The following FGF7 variants were observed in gnomAD, a reference collection of about 807,000 sequenced individuals.
The protein encoded by FGF7 is FGF-7.
In FGF7, 6 loss-of-function variants were observed where a neutral mutation model predicts 20.5. That is an observed-to-expected ratio of 0.29 (90% CI 0.16 to 0.58). The LOEUF is 0.58. Among genes scored for constraint, FGF7 ranks in the 20% least tolerant of loss-of-function variants. The probability of loss-of-function intolerance (pLI) is 0.90; values close to 1 mark genes in which losing one functional copy is unlikely to be tolerated. For missense variants in FGF7, 144 were observed against 228.8 expected (o/e 0.63, Z 2.39); for synonymous variants, 64 against 74.7 (o/e 0.86, Z 0.74).
At chr15:49,444,700 T>C (rs1597234701) in intron 2 of FGF7, among the ~76,000 whole-genome samples, 1 of 151,818 alleles carries the variant, frequency 6.6e-6, no homozygotes, top group East Asian at 1.9e-4. Context: ...CCTTTGTGCA[T>C]ATGTTCCGGG....
In FGF7 at chr15:49,485,922, G is replaced by T; in HGVS notation, c.*1418G>T. On this transcript the variant is annotated 3_prime_UTR_variant, in exon 4 of 4. Coordinates refer to ENST00000267843, the MANE Select transcript of FGF7 (RefSeq NM_002009.4). ...AAGTTGTTTTCCTGTTAGATGGCAA[G>T]AGCACAATGCCCAAAATAGAAGATG... The T allele has an allele frequency of 6.6e-6, 1 of 151,994 alleles. No individual in the cohort carries two copies. The highest frequency in any genetic ancestry group is 1.9e-4 in the East Asian group (1 of 5,200). The allele number at this position is 151,994 out of a possible 1,614,324, so 9.4% of individuals were successfully genotyped here.
intron 2 of FGF7, among the ~76,000 whole-genome samples, chr15:49,478,216 G>A (rs763993879): frequency 1.4e-4 from 22 of 152,192 alleles, no homozygotes; most frequent in African/African-American, 7.2e-5. Flanking sequence ...AATGGCCTCC[G>A]GCTGCATCCA....
chr15:49,467,357 T>A (rs1290090806), intron 2 of FGF7, among the ~76,000 whole-genome samples: 1 of 152,106 alleles, frequency 6.6e-6, no homozygotes, highest in Non-Finnish European at 1.5e-5. Flanking sequence ...CCCCATCAAA[T>A]TCTGCTCTCA....
intron 2 of FGF7, among the ~76,000 whole-genome samples, chr15:49,455,262 C>T (rs1005912326): frequency 5.9e-5 from 9 of 152,046 alleles, no homozygotes; most frequent in Admixed American, 5.2e-4. Flanking sequence ...GTTAACAAAG[C>T]GGCCATGGTA....
intron 2 of FGF7, among the ~76,000 whole-genome samples, chr15:49,469,993 G>A (rs890217894): frequency 6.6e-6 from 1 of 152,080 alleles, no homozygotes; most frequent in African/African-American, 2.4e-5. Context: ...ATTAGAGGAT[G>A]GCATTAAATA....
intron 2 of FGF7, among the ~76,000 whole-genome samples, chr15:49,474,801 AG>A (rs1597429089): frequency 6.6e-6 from 1 of 152,098 alleles, no homozygotes; most frequent in Non-Finnish European, 1.5e-5. Context: ...TGCATATGCC[AG>A]GGATCTAGGT....
At chr15:49,443,212 T>C (rs1247195939) in intron 2 of FGF7, among the ~76,000 whole-genome samples, 1 of 151,630 alleles carries the variant, frequency 6.6e-6, no homozygotes, top group Non-Finnish European at 1.5e-5. Flanking sequence ...TTACATAAAC[T>C]TAGAATGAAA....
chr15:49,473,582 G>A (rs2054981068), intron 2 of FGF7, among the ~76,000 whole-genome samples: 1 of 152,048 alleles, frequency 6.6e-6, no homozygotes, highest in East Asian at 1.9e-4. Context: ...ATTGGAGTTG[G>A]TCTCACGTTT....
At chr15:49,448,702 G>A (rs934455850) in intron 2 of FGF7, among the ~76,000 whole-genome samples, 1 of 150,890 alleles carries the variant, frequency 6.6e-6, no homozygotes, top group South Asian at 2.1e-4. Context: ...AAACTATGTT[G>A]CTTTTAATAC....
chr15:49,457,915 TTTAA>T (rs755109123), intron 2 of FGF7, among the ~76,000 whole-genome samples: 40 of 152,124 alleles, frequency 2.6e-4, no homozygotes, highest in Non-Finnish European at 2.2e-4. Flanking sequence ...AAGTTAAACA[TTTAA>T]TTAATGTTAG....
rs944889885 is a variant in FGF7 at position 49,485,628 on chromosome 15, A to G, written c.*1124A>G. 1 of 152,506 alleles carries G rather than the reference A, an allele frequency of 6.6e-6. No individual in the cohort carries two copies. The highest frequency in any genetic ancestry group is 2.4e-5 in the African/African-American group (1 of 41,444). The allele number at this position is 152,506 out of a possible 1,614,324, so 9.4% of individuals were successfully genotyped here. On this transcript the variant is annotated 3_prime_UTR_variant, in exon 4 of 4. Coordinates refer to ENST00000267843, the MANE Select transcript of FGF7 (RefSeq NM_002009.4). Reference sequence around the variant, plus strand: ...TGGGCCAGCAAATCCTGGAAGGCAGACAAAAATAAGAGCCTGAAGCAATGC... The same window carrying G: ...TGGGCCAGCAAATCCTGGAAGGCAGGCAAAAATAAGAGCCTGAAGCAATGC...
chr15:49,460,417 T>C (rs1429012633), intron 2 of FGF7, among the ~76,000 whole-genome samples: 1 of 152,222 alleles, frequency 6.6e-6, no homozygotes, highest in Non-Finnish European at 1.5e-5. Flanking sequence ...GGTGTCCATA[T>C]ATGATCTCTG....
chr15:49,482,125 A>T (rs1472202336), intron 2 of FGF7, among the ~76,000 whole-genome samples: 4 of 152,168 alleles, frequency 2.6e-5, no homozygotes, highest in Non-Finnish European at 5.9e-5. Flanking sequence ...TGTTAGACAT[A>T]GGTAAAAGAA....
intron 2 of FGF7, among the ~76,000 whole-genome samples, chr15:49,464,286 T>A (rs890108036): frequency 1.3e-5 from 2 of 152,186 alleles, no homozygotes; most frequent in African/African-American, 4.8e-5. Context: ...ACCTCTAGTC[T>A]ATCATGTTGA....
chr15:49,475,158 G>A (rs1436394455), intron 2 of FGF7, among the ~76,000 whole-genome samples: 1 of 152,118 alleles, frequency 6.6e-6, no homozygotes, highest in Non-Finnish European at 1.5e-5. Flanking sequence ...TGTATGATTA[G>A]TGAAACATGA....
intron 2 of FGF7, 114 bp from the exon 3 acceptor site, chr15:49,483,037 C>A (rs2056091818): frequency 4.2e-6 from 3 of 708,890 alleles, no homozygotes; most frequent in Admixed American, 2.0e-5. Context: ...TAAATAATCA[C>A]ATTAAAAATT....
At chr15:49,467,892 T>A (rs1457100175) in intron 2 of FGF7, among the ~76,000 whole-genome samples, 1 of 152,132 alleles carries the variant, frequency 6.6e-6, no homozygotes, top group East Asian at 1.9e-4. Flanking sequence ...GAAATATAAG[T>A]CTGTGCAATA....
chr15:49,476,232 G>GTTTTTTTTTTTTTT lies in FGF7; in HGVS notation c.287-6906_287-6905insTTTTTTTTTTTTTT. On this transcript the variant is annotated intron_variant, in intron 2 of 3. Coordinates refer to ENST00000267843, the MANE Select transcript of FGF7 (RefSeq NM_002009.4). ...TTGCTGTTTTGTTTTTTTGTTTTTG[G>GTTTTTTTTTTTTTT]TTTTTTTTTTTTTGCATTTGGCATA... 7.4e-3 allele frequency among the ~76,000 whole-genome samples: 426 copies of GTTTTTTTTTTTTTT among 57,210 alleles called. 57 individuals are homozygous for GTTTTTTTTTTTTTT. The highest frequency in any genetic ancestry group is 0.011 in the Non-Finnish European group (295 of 27,344). The allele number at this position is 57,210 out of a possible 152,430, so 37.5% of individuals were successfully genotyped here. A position where few individuals can be genotyped will look rare whatever the true frequency, so the allele number is the denominator to read the frequency against.
At chr15:49,460,901 T>C (rs1278553690) in intron 2 of FGF7, among the ~76,000 whole-genome samples, 1 of 152,220 alleles carries the variant, frequency 6.6e-6, no homozygotes, top group Non-Finnish European at 1.5e-5. Flanking sequence ...GGTTTGTTTT[T>C]AATTTTTCTT....
Sources: allele counts gnomAD v4.1 joint callset (sites outside exome capture counted in the v4.1 genomes callset), GRCh38; gene constraint gnomAD v4.1.1; transcripts MANE v1.5; gene names NCBI Gene and HGNC (gene_info 2026-07-23, HGNC 2026-07-21).